Variants in DTNA observed in about 807,000 individuals in gnomAD.
DTNA encodes the protein dystrophin-related protein 3.
DTNA carries 43 observed loss-of-function variants against 100.7 expected under a neutral mutation model. That is an observed-to-expected ratio of 0.43 (90% confidence interval 0.33 to 0.55). DTNA has a LOEUF of 0.55. Ranked by LOEUF, DTNA falls within the 20% of genes least tolerant of loss-of-function variation. DTNA has a pLI of 0.04. For missense variants in DTNA, 798 were observed against 953.9 expected (o/e 0.84, Z 2.15); for synonymous variants, 349 against 347.9 (o/e 1.00, Z -0.04).
At position 34,815,898 on chromosome 18, in the gene DTNA, T is replaced by G; in HGVS notation, c.604-11T>G. ...CTCTGTCCTAAATTTATGGGGGGTT[T>G]TTTTATGCAGAAAAAAGTCACGTTA... is the stretch of plus-strand genomic sequence containing the variant. On this transcript the variant is annotated splice_polypyrimidine_tract_variant and intron_variant, in intron 6 of 22. Coordinates refer to ENST00000444659, the MANE Select transcript of DTNA (RefSeq NM_001386795.1). 6.2e-7 allele frequency: 1 copy of G among 1,612,452 alleles called. No homozygotes were observed. The highest frequency in any genetic ancestry group is 2.2e-5 in the East Asian group (1 of 44,858).
chr18:34,684,472 A>G (rs1020929663), intron 1 of DTNA, among the ~76,000 whole-genome samples: 2 of 152,132 alleles, frequency 1.3e-5, no homozygotes, highest in South Asian at 2.1e-4. Context: ...TGTAAAGGAC[A>G]TGAACTCGTT....
chr18:34,507,122 C>T (rs1441672890), intron 1 of DTNA, among the ~76,000 whole-genome samples: 2 of 152,014 alleles, frequency 1.3e-5, no homozygotes, highest in African/African-American at 2.4e-5. Flanking sequence ...AGGCAGGTAC[C>T]CTTACTCCCC....
rs139678659 is a variant in DTNA at position 34,828,884 on chromosome 18, T to A, written c.1086-516T>A. ...TTTTTTCTGGAATGAAATCATAAAC[T>A]GTAAAATCTGTAAAAGACACAGGTC... On this transcript the variant is annotated intron_variant, in intron 10 of 22. Coordinates refer to ENST00000444659, the MANE Select transcript of DTNA (RefSeq NM_001386795.1). 6.6e-3 allele frequency among the ~76,000 whole-genome samples: 1,002 copies of A among 152,182 alleles called. 16 individuals carry two copies. Among genetic ancestry groups the A allele is most frequent in the African/African-American group, 0.023 (947 of 41,520 alleles).
chr18:34,567,517 A>C (rs2047187274), intron 1 of DTNA, among the ~76,000 whole-genome samples: 1 of 152,176 alleles, frequency 6.6e-6, no homozygotes, highest in Admixed American at 6.5e-5. Context: ...AGAATTTAAA[A>C]GTATACAGAT....
At chr18:34,875,922 G>T (rs1203809685) in intron 18 of DTNA, among the ~76,000 whole-genome samples, 1 of 152,220 alleles carries the variant, frequency 6.6e-6, no homozygotes, top group Non-Finnish European at 1.5e-5. Context: ...TACAAAGAGG[G>T]ATGGGGATGC....
At chr18:34,808,109 T>A (rs149472700) in intron 5 of DTNA, among the ~76,000 whole-genome samples, 1 of 152,262 alleles carries the variant, frequency 6.6e-6, no homozygotes, top group African/African-American at 2.4e-5. Flanking sequence ...TAATATTATA[T>A]TAATAGGTAC....
intron 1 of DTNA, among the ~76,000 whole-genome samples, chr18:34,581,089 CA>C (rs140324349): frequency 0.1 from 14,879 of 149,014 alleles, 1,010 homozygotes; most frequent in African/African-American, 0.19. Context: ...ACTAAAAATA[CA>C]AAAAAAAAAT....
chr18:34,766,973 G>T (rs2093510399), intron 3 of DTNA, among the ~76,000 whole-genome samples: 1 of 151,898 alleles, frequency 6.6e-6, no homozygotes, highest in Non-Finnish European at 1.5e-5. Context: ...GTAACAATGA[G>T]CAGTCTTATT....
chr18:34,711,485 G>A (rs2082896249), intron 1 of DTNA, among the ~76,000 whole-genome samples: 1 of 152,126 alleles, frequency 6.6e-6, no homozygotes, highest in Non-Finnish European at 1.5e-5. Context: ...TAATTAAATA[G>A]TAGCAAAGCC....
intron 1 of DTNA, among the ~76,000 whole-genome samples, chr18:34,658,950 A>G (rs1385296499): frequency 1.3e-5 from 2 of 152,216 alleles, no homozygotes; most frequent in Non-Finnish European, 2.9e-5. Flanking sequence ...TCAGGGTAGA[A>G]TATCTTTCAG....
intron 1 of DTNA, among the ~76,000 whole-genome samples, chr18:34,743,174 T>C (rs1035506255): frequency 2.6e-5 from 4 of 152,188 alleles, no homozygotes; most frequent in African/African-American, 9.6e-5. Context: ...TTCCATTCTG[T>C]ATTCCTGTCA....
intron 3 of DTNA, among the ~76,000 whole-genome samples, chr18:34,776,927 C>T (rs2094086941): frequency 6.6e-6 from 1 of 152,222 alleles, no homozygotes. Flanking sequence ...GGCCTTAGCA[C>T]TGGCTGTTCC....
chr18:34,693,017 C>T (rs1269215712), intron 1 of DTNA, among the ~76,000 whole-genome samples: 1 of 152,084 alleles, frequency 6.6e-6, no homozygotes, highest in Non-Finnish European at 1.5e-5. Flanking sequence ...TTTTATAACA[C>T]TATTCAAGGG....
In DTNA at chr18:34,839,442, C is replaced by T. The variant is rs566111158; in HGVS notation, c.1346+605C>T. On this transcript the variant is annotated intron_variant, in intron 13 of 22. Transcript: ENST00000444659. ...ATGTTAAATTCAGGAATTAAGATAG[C>T]CCTGTGTACTTGGATAAAGCCATTC... Among the ~76,000 whole-genome samples, 166 of 152,266 alleles carry T rather than the reference C, an allele frequency of 1.1e-3. 1 individual carries two copies. The highest frequency in any genetic ancestry group is 3.9e-3 in the African/African-American group (160 of 41,556).
chr18:34,834,718 A>AAT (rs1338458665), intron 11 of DTNA, among the ~76,000 whole-genome samples: 1 of 152,160 alleles, frequency 6.6e-6, no homozygotes, highest in African/African-American at 2.4e-5. Context: ...CAAGGGAACT[A>AAT]ATAGAGTGAG....
chr18:34,725,575 G>A lies in DTNA; in HGVS notation c.-2+15130G>A, dbSNP rs144480233. ...ACTATCTCACACCAGTTAGAATGGC[G>A]ATCATTAAAAAGTCAGGAAAAAACA... On this transcript the variant is annotated intron_variant, in intron 1 of 22. Transcript: ENST00000444659. Among the ~76,000 whole-genome samples, 94 of 152,206 alleles carry A rather than the reference G, an allele frequency of 6.2e-4. 1 individual carries two copies. Among genetic ancestry groups the A allele is most frequent in the Non-Finnish European group, 1.1e-3 (78 of 67,994 alleles).
intron 1 of DTNA, among the ~76,000 whole-genome samples, chr18:34,747,104 C>CTATCTATATATATATA (rs1041438583): frequency 2.4e-4 from 35 of 148,314 alleles, no homozygotes; most frequent in African/African-American, 8.5e-4. Context: ...ATATCTGTAT[C>CTATCTATATATATATA]TATATATATA....
intron 1 of DTNA, among the ~76,000 whole-genome samples, chr18:34,496,700 C>T (rs995743534): frequency 6.6e-6 from 1 of 152,134 alleles, no homozygotes; most frequent in African/African-American, 2.4e-5. Flanking sequence ...TAAATGATTA[C>T]TTGTAAGTTG....
intron 1 of DTNA, among the ~76,000 whole-genome samples, chr18:34,525,931 A>G (rs1402779746): frequency 1.3e-5 from 2 of 152,172 alleles, no homozygotes; most frequent in Non-Finnish European, 2.9e-5. Flanking sequence ...ACGGGGCTCA[A>G]GTCCCCTGTT....
Sources: gnomAD v4.1 joint callset for allele counts (sites outside exome capture counted in the v4.1 genomes callset) on GRCh38, gnomAD v4.1.1 for gene constraint, MANE v1.5 for transcripts, NCBI Gene and HGNC (gene_info 2026-07-23, HGNC 2026-07-21) for gene names.